NUP155: variants seen among roughly 807,000 people sequenced by gnomAD.
NUP155 encodes the protein nucleoporin 155, also known as nuclear pore complex protein Nup155.
In NUP155, 71 loss-of-function variants were observed where a neutral mutation model predicts 180.4. The ratio of observed to expected loss-of-function variants is 0.39; its 90% CI spans 0.33 to 0.48. The LOEUF (loss-of-function observed/expected upper bound fraction) is 0.48, where lower values mean the gene tolerates loss of function less well. Ranked by LOEUF, NUP155 falls within the 20% of genes least tolerant of loss-of-function variation. NUP155 has a pLI of 0.91. For synonymous variants in NUP155, 582 were observed against 559.5 expected, an observed-to-expected ratio of 1.04 and a Z score of -0.57; for missense variants, 1,553 against 1,648.9, an observed-to-expected ratio of 0.94 and a Z score of 1.01.
chr5:37,300,025 CAA>C (rs34593365), intron 30 of NUP155, among the ~76,000 whole-genome samples: 46 of 87,820 alleles, frequency 5.2e-4, no homozygotes, highest in Admixed American at 8.3e-4. Context: ...CTCCCCCCGC[CAA>C]AAAAAAAAAA....
intron 19 of NUP155, among the ~76,000 whole-genome samples, chr5:37,324,613 C>T (rs1356349849): frequency 1.3e-5 from 2 of 151,612 alleles, no homozygotes; most frequent in Non-Finnish European, 2.9e-5. Context: ...AGTGTAGTGG[C>T]GCGGATCATA....
rs766609266 is a variant in NUP155 at position 37,305,135 on chromosome 5, G to A, written c.2979C>T (p.Pro993=). ...VNQSKAAPQS[P]SVPKKPGPPV... is the part of the protein sequence containing the mutation. Reference sequence around the variant, plus strand: ...GAGGACCAGGTTTTTTGGGTACACTGGGAGACTGAGGAGCGGCCTTACTTT... The same window carrying A: ...GAGGACCAGGTTTTTTGGGTACACTAGGAGACTGAGGAGCGGCCTTACTTT... The change falls in exon 26 of 35, where the codon CCC becomes CCT. Residue 993 remains proline, a synonymous_variant. Coordinates refer to ENST00000231498, the MANE Select transcript of NUP155 (RefSeq NM_153485.3). 2 of 1,613,874 alleles carry A rather than the reference G, an allele frequency of 1.2e-6. No homozygotes were observed. The highest frequency in any genetic ancestry group is 1.7e-6 in the Non-Finnish European group (2 of 1,179,878).
chr5:37,303,194 A>G, intron 28 of NUP155, 66 bp downstream of exon 28: 2 of 1,565,148 alleles, frequency 1.3e-6, no homozygotes, highest in Admixed American at 3.5e-5. Flanking sequence ...AATTAAAGAA[A>G]ACTGAATGTA....
At chr5:37,302,680 A>G in intron 29 of NUP155, 99 bp downstream of exon 29, 1 of 1,172,252 alleles carries the variant, frequency 8.5e-7, no homozygotes, top group Non-Finnish European at 1.3e-6. Context: ...AATAATAATG[A>G]CTTCTCAGAC....
intron 3 of NUP155, among the ~76,000 whole-genome samples, chr5:37,362,579 T>C (rs546799535): frequency 1.1e-4 from 16 of 152,168 alleles, no homozygotes; most frequent in Admixed American, 9.2e-4. Context: ...TGAGCCACCA[T>C]GCCCAGCCGA....
At chr5:37,328,738 C>T (rs1171354558) in intron 16 of NUP155, among the ~76,000 whole-genome samples, 1 of 152,206 alleles carries the variant, frequency 6.6e-6, no homozygotes, top group Non-Finnish European at 1.5e-5. Context: ...CTCCCAACCT[C>T]AGGTGATCTG....
intron 18 of NUP155, among the ~76,000 whole-genome samples, chr5:37,326,895 G>A (rs1744632480): frequency 6.6e-6 from 1 of 152,054 alleles, no homozygotes; most frequent in South Asian, 2.1e-4. Context: ...AATTGTGTGG[G>A]TCCACTTATA....
At position 37,290,542 on chromosome 5, in the gene NUP155, TTC is replaced by T. The variant is rs1241627730; in HGVS notation, c.*1356_*1357del. The T allele has an allele frequency of 6.6e-6, 1 of 152,162 alleles. No individual in the cohort carries two copies. The highest frequency in any genetic ancestry group is 1.5e-5 in the Non-Finnish European group (1 of 68,032). The allele number at this position is 152,162 out of a possible 1,614,324, so 9.4% of individuals were successfully genotyped here. On this transcript the variant is annotated 3_prime_UTR_variant, in exon 35 of 35. Transcript: ENST00000231498. ...TTAGCTCTGGTCATTCCCACTCTTCTTCTCTCTTGTTGCTATTACTTTGAAGC... is the reference window on the plus strand; with the variant it reads ...TTAGCTCTGGTCATTCCCACTCTTCTTCTCTTGTTGCTATTACTTTGAAGC...
At chr5:37,350,129 G>C in intron 7 of NUP155, 31 bp downstream of exon 7, 1 of 1,464,346 alleles carries the variant, frequency 6.8e-7, no homozygotes, top group Non-Finnish European at 9.6e-7. Flanking sequence ...GAAATTAGTT[G>C]TACTTGCCAA....
Position 37,290,229 on chromosome 5 carries a change from A to T in NUP155, c.*1671T>A, listed in dbSNP as rs1742175418. ...ACATTGGCTCACGTCTGTAATCTCA[A>T]CACTTTGGGAGGTGGAGGCGGGCAG... On this transcript the variant is annotated 3_prime_UTR_variant, in exon 35 of 35. Transcript: ENST00000231498. The T allele has an allele frequency of 1.3e-5, 2 of 152,160 alleles. No individual in the cohort carries two copies. Among genetic ancestry groups the T allele is most frequent in the South Asian group, 4.1e-4 (2 of 4,822 alleles). 9.4% of individuals were successfully genotyped at this position (152,160 alleles called of 1,614,324 possible). A position where few individuals can be genotyped will look rare whatever the true frequency, so the allele number is the denominator to read the frequency against.
At chr5:37,351,879 T>A (rs1322716350) in intron 5 of NUP155, among the ~76,000 whole-genome samples, 1 of 151,986 alleles carries the variant, frequency 6.6e-6, no homozygotes, top group Non-Finnish European at 1.5e-5. Flanking sequence ...TGAGTGTGTG[T>A]GTGTGTGTGT....
chr5:37,350,239 T>A lies in NUP155; in HGVS notation c.750A>T (p.Arg250Ser), dbSNP rs1746368626. 1 of 1,613,846 alleles carries A rather than the reference T, an allele frequency of 6.2e-7. No individual in the cohort carries two copies. Among genetic ancestry groups the A allele is most frequent in the Admixed American group, 1.7e-5 (1 of 60,002 alleles). Residue 250 changes from arginine (R) to serine (S), a missense_variant, in exon 7 of 35, where the codon AGA becomes AGT. By Grantham distance (110) the Arg-to-Ser change is moderately radical. Transcript: ENST00000231498. ...TCTTTGAGTGGTTTATTTTCCTACATCTTTGGCTAAACCACCCTGCTTCAG... is the reference window on the plus strand; with the variant it reads ...TCTTTGAGTGGTTTATTTTCCTACAACTTTGGCTAAACCACCCTGCTTCAG... ...YQAEAGWFSQ[R>S]CRKINHSKSS...
chr5:37,365,026 G>A (rs553987359), intron 1 of NUP155, among the ~76,000 whole-genome samples: 5 of 152,026 alleles, frequency 3.3e-5, no homozygotes, highest in Admixed American at 3.3e-4. Flanking sequence ...CACTTTGGGA[G>A]GCCGAGGTAG....
At chr5:37,292,104 C>T (rs1581121608) in intron 34 of NUP155, 66 bp from the exon 35 acceptor site, 6 of 1,500,626 alleles carry the variant, frequency 4.0e-6, no homozygotes, top group Non-Finnish European at 4.6e-6. Flanking sequence ...GGACTTCTTC[C>T]CCACCAACTT....
At chr5:37,344,462 AT>A (rs1490463537) in intron 9 of NUP155, among the ~76,000 whole-genome samples, 1 of 150,944 alleles carries the variant, frequency 6.6e-6, no homozygotes, top group East Asian at 1.9e-4. Context: ...AATTTGTATA[AT>A]TATCCTGCCC....
intron 1 of NUP155, 53 bp downstream of exon 1, chr5:37,370,768 G>C (rs746066458): frequency 6.2e-7 from 1 of 1,613,646 alleles, no homozygotes; most frequent in East Asian, 2.2e-5. Flanking sequence ...TAGCAAATTA[G>C]GAAGTCAGGC....
At chr5:37,309,035 G>GA in intron 24 of NUP155, 94 bp downstream of exon 24, 1 of 1,310,062 alleles carries the variant, frequency 7.6e-7, no homozygotes, top group Non-Finnish European at 1.1e-6. Flanking sequence ...TTTGCATCTG[G>GA]AAAGTGGCTT....
At chr5:37,296,416 T>C (rs1742574236) in intron 32 of NUP155, among the ~76,000 whole-genome samples, 1 of 152,054 alleles carries the variant, frequency 6.6e-6, no homozygotes, top group South Asian at 2.1e-4. Context: ...CTGTGTCCAC[T>C]CAGGGTTAAA....
rs537841584 is a variant in NUP155 at position 37,301,409 on chromosome 5, A to G, written c.3561+28T>C. The G allele has an allele frequency of 4.7e-6, 7 of 1,474,326 alleles. No individual in the cohort carries two copies. In the East Asian group the frequency reaches 1.4e-4, roughly 29 times the overall value. The allele number at this position is 1,474,326 out of a possible 1,614,324, so 91.3% of individuals were successfully genotyped here. On this transcript the variant is annotated intron_variant, in intron 30 of 34. Transcript: ENST00000231498. Reference sequence around the variant, plus strand: ...AATTTCTCATTATTAGGTAACTACTATAAAAATTTCACTTGCTTTTTTATT... The same window carrying G: ...AATTTCTCATTATTAGGTAACTACTGTAAAAATTTCACTTGCTTTTTTATT...
Sources: gnomAD v4.1 joint callset for allele counts (sites outside exome capture counted in the v4.1 genomes callset) on GRCh38, gnomAD v4.1.1 for gene constraint, MANE v1.5 for transcripts, NCBI Gene and HGNC (gene_info 2026-07-23, HGNC 2026-07-21) for gene names.